AGAP1: variants seen among roughly 807,000 people sequenced by gnomAD.
AGAP1 encodes the protein ArfGAP with GTPase domain, ankyrin repeat and PH domain 1.
Under a neutral mutation model 105.3 loss-of-function variants are expected in AGAP1, and 29 were observed. The ratio of observed to expected loss-of-function variants is 0.28; its 90% confidence interval spans 0.21 to 0.38. The LOEUF is 0.38. Among genes scored for constraint, AGAP1 ranks in the 10% least tolerant of loss-of-function variants. The probability of loss-of-function intolerance (pLI) is 1.00; values close to 1 mark genes in which losing one functional copy is unlikely to be tolerated. For missense variants in AGAP1, 998 were observed against 1,165.1 expected (o/e 0.86, Z 2.09); for synonymous variants, 509 against 485.9 (o/e 1.05, Z -0.63).
rs1559205251 is a variant in AGAP1 at position 236,027,736 on chromosome 2, TCAAAA to T, written c.1646-8822_1646-8818del. On this transcript the variant is annotated intron_variant, in intron 13 of 17. Coordinates refer to ENST00000304032, the MANE Select transcript of AGAP1 (RefSeq NM_001037131.3). This position sits in a 1 kb window ranked among gnomAD's most constrained non-coding sequence, Gnocchi z 4.4. Reference sequence around the variant, plus strand: ...TCCAGGGCTAGGATGAACCATCTGGTCAAAACAGAACAGAAACCCCAAAGAGCTGT... The same window carrying T: ...TCCAGGGCTAGGATGAACCATCTGGTCAGAACAGAAACCCCAAAGAGCTGT... Among the ~76,000 whole-genome samples, 1 of 152,016 alleles carries T rather than the reference TCAAAA, an allele frequency of 6.6e-6. No homozygotes were observed. Among genetic ancestry groups the T allele is most frequent in the Non-Finnish European group, 1.5e-5 (1 of 67,994 alleles).
Position 235,999,573 on chromosome 2 carries a change from A to G in AGAP1, c.1645+30950A>G, listed in dbSNP as rs187493445. Among the ~76,000 whole-genome samples, 34 of 75,184 alleles carry G rather than the reference A, an allele frequency of 4.5e-4. No homozygotes were observed. In the East Asian group the frequency reaches 9.5e-3, roughly 21 times the overall value. 49.3% of individuals were successfully genotyped at this position (75,184 alleles called of 152,430 possible). On this transcript the variant is annotated intron_variant, in intron 13 of 17. Transcript: ENST00000304032. ...GGTGATGTTGGTAGCATGATGACCA[A>G]TATGATATGGTGGTGATGATGGTGA...
rs2055095065 is a variant in AGAP1, at chr2:235,981,513, A to T, written c.1645+12890A>T. On this transcript the variant is annotated intron_variant, in intron 13 of 17. Coordinates refer to ENST00000304032, the MANE Select transcript of AGAP1 (RefSeq NM_001037131.3). This position sits in a 1 kb window ranked among gnomAD's most constrained non-coding sequence, Gnocchi z 5.5. ...TTCTTTCTGAATTTCATGAAAATAA[A>T]ATATTTTCTACCAGAATACACATTT... is the stretch of plus-strand genomic sequence containing the variant. Among the ~76,000 whole-genome samples, 1 of 152,188 alleles carries T rather than the reference A, an allele frequency of 6.6e-6. No homozygotes were observed. The highest frequency in any genetic ancestry group is 1.5e-5 in the Non-Finnish European group (1 of 68,030).
At position 235,574,451 on chromosome 2, in the gene AGAP1, C is replaced by T. The variant is rs1031541183; in HGVS notation, c.163+79602C>T. On this transcript the variant is annotated intron_variant, in intron 1 of 17. Coordinates refer to ENST00000304032, the MANE Select transcript of AGAP1 (RefSeq NM_001037131.3). The surrounding 1 kb of genome is among the most constrained non-coding windows in gnomAD (Gnocchi z 5.0). ...GTGCATTATCTGATAAAGTAAATCTCAGCCACTGGGAAGAGCCCTTTTTGG... is the reference window on the plus strand; with the variant it reads ...GTGCATTATCTGATAAAGTAAATCTTAGCCACTGGGAAGAGCCCTTTTTGG... Among the ~76,000 whole-genome samples the T allele has an allele frequency of 4.6e-5, 7 of 152,222 alleles. 1 individual carries two copies. The highest frequency in any genetic ancestry group is 9.6e-5 in the African/African-American group (4 of 41,460).
At chr2:236,107,132 A>T (rs1396042649) in intron 16 of AGAP1, among the ~76,000 whole-genome samples, 1 of 113,568 alleles carries the variant, frequency 8.8e-6, no homozygotes, top group African/African-American at 3.4e-5. Flanking sequence ...CCGCCAGCGG[A>T]TTCTCCTGCG....
intron 6 of AGAP1, among the ~76,000 whole-genome samples, chr2:235,762,420 A>G (rs1035124630): frequency 2.0e-5 from 3 of 147,756 alleles, no homozygotes; most frequent in African/African-American, 7.5e-5. Context: ...GGCATCCCTA[A>G]AGGTTGGGTT....
intron 12 of AGAP1, among the ~76,000 whole-genome samples, chr2:235,939,479 C>CA (rs1169460104): frequency 1.3e-5 from 2 of 152,116 alleles, no homozygotes; most frequent in Non-Finnish European, 2.9e-5. Flanking sequence ...CTTCAGCTTA[C>CA]ATACCTGCTC....
Position 235,577,199 on chromosome 2 carries a change from CTG to C in AGAP1, c.163+82352_163+82353del, listed in dbSNP as rs1281040058. On this transcript the variant is annotated intron_variant, in intron 1 of 17. Coordinates refer to ENST00000304032, the MANE Select transcript of AGAP1 (RefSeq NM_001037131.3). This position sits in a 1 kb window ranked among gnomAD's most constrained non-coding sequence, Gnocchi z 4.5. ...AACAGATGAAATTAATTTTAATAAA[CTG>C]TTTAATCCAACATATCCAAAATATT... Among the ~76,000 whole-genome samples the C allele has an allele frequency of 6.6e-6, 1 of 152,320 alleles. No homozygotes were observed. Among genetic ancestry groups the C allele is most frequent in the East Asian group, 1.9e-4 (1 of 5,194 alleles).
At position 235,635,671 on chromosome 2, in the gene AGAP1, G is replaced by T. The variant is rs924141488; in HGVS notation, c.164-73508G>T. 6.6e-6 allele frequency among the ~76,000 whole-genome samples: 1 copy of T among 152,096 alleles called. No individual in the cohort carries two copies. Among genetic ancestry groups the T allele is most frequent in the Non-Finnish European group, 1.5e-5 (1 of 68,028 alleles). The stretch of plus-strand genomic sequence containing the variant: ...TAGCCATGGCACCTTCTCCAAAGCT[G>T]CCTCGCTCCTGCACTGATGCTGTGC... On this transcript the variant is annotated intron_variant, in intron 1 of 17. Transcript: ENST00000304032. The surrounding 1 kb of genome is among the most constrained non-coding windows in gnomAD (Gnocchi z 5.3).
In AGAP1 at chr2:235,737,058, C is replaced by T. The variant is rs1001017605; in HGVS notation, c.311-3905C>T. ...TTTAAAGTGTTACCTACCTGCCAGCCCAGACTTCTCAAGGCCCAGTGGTCC... is the reference window on the plus strand; with the variant it reads ...TTTAAAGTGTTACCTACCTGCCAGCTCAGACTTCTCAAGGCCCAGTGGTCC... On this transcript the variant is annotated intron_variant, in intron 3 of 17. Transcript: ENST00000304032. The surrounding 1 kb of genome is among the most constrained non-coding windows in gnomAD (Gnocchi z 4.5). Among the ~76,000 whole-genome samples the T allele has an allele frequency of 1.3e-5, 2 of 152,116 alleles. No homozygotes were observed. Among genetic ancestry groups the T allele is most frequent in the African/African-American group, 4.8e-5 (2 of 41,424 alleles).
At chr2:236,015,694 G>T (rs1000368110) in intron 13 of AGAP1, among the ~76,000 whole-genome samples, 2 of 152,162 alleles carry the variant, frequency 1.3e-5, no homozygotes, top group Admixed American at 1.3e-4. Context: ...TCACAATCCA[G>T]CGATCTTGGT....
chr2:235,797,610 G>C, intron 6 of AGAP1, 149 bp from the exon 7 acceptor site: 1 of 994,446 alleles, frequency 1.0e-6, no homozygotes, highest in Admixed American at 2.0e-5. Flanking sequence ...TGTTTATTCT[G>C]GTTGTCATTT....
At chr2:235,527,182 A>G (rs1942872345) in intron 1 of AGAP1, among the ~76,000 whole-genome samples, 1 of 152,160 alleles carries the variant, frequency 6.6e-6, no homozygotes, top group South Asian at 2.1e-4. Context: ...ATCTGATGAG[A>G]GGAGGAGGAT....
At chr2:235,972,220 CTTCTATAGAAGAT>C (rs2125364511) in intron 13 of AGAP1, among the ~76,000 whole-genome samples, 1 of 152,340 alleles carries the variant, frequency 6.6e-6, no homozygotes, top group Non-Finnish European at 1.5e-5. Context: ...AGATATAAAA[CTTCTATAGAAGAT>C]TTGTGTAAAG....
At position 236,058,734 on chromosome 2, in the gene AGAP1, A is replaced by G. The variant is rs1418244323; in HGVS notation, c.2114+9453A>G. On this transcript the variant is annotated intron_variant, in intron 16 of 17. Transcript: ENST00000304032. This position sits in a 1 kb window ranked among gnomAD's most constrained non-coding sequence, Gnocchi z 4.6. ...GTTCAAGCCAGGGAATTAGGCAAGA[A>G]GAAGAAACCAAAAGCATCCAGATTT... Among the ~76,000 whole-genome samples, 2 of 152,250 alleles carry G rather than the reference A, an allele frequency of 1.3e-5. No homozygotes were observed. Among genetic ancestry groups the G allele is most frequent in the African/African-American group, 4.8e-5 (2 of 41,470 alleles).
At chr2:235,968,201 G>A (rs1318641481) in intron 12 of AGAP1, among the ~76,000 whole-genome samples, 2 of 152,168 alleles carry the variant, frequency 1.3e-5, no homozygotes, top group African/African-American at 4.8e-5. Context: ...GAGAGAAGGA[G>A]AATGCATCCA....
rs193206225 is a variant in AGAP1 at position 236,005,237 on chromosome 2, C to A, written c.1646-31324C>A. 4.3e-4 allele frequency among the ~76,000 whole-genome samples: 65 copies of A among 152,228 alleles called. No individual in the cohort carries two copies. The highest frequency in any genetic ancestry group is 6.2e-4 in the Non-Finnish European group (42 of 68,016). ...TCTTGGCTCTTGCAACCTCCGCCTC[C>A]CAGACTCAAGCGATTCTTGCCCCTC... On this transcript the variant is annotated intron_variant, in intron 13 of 17. Coordinates refer to ENST00000304032, the MANE Select transcript of AGAP1 (RefSeq NM_001037131.3). This position sits in a 1 kb window ranked among gnomAD's most constrained non-coding sequence, Gnocchi z 4.1.
rs1351585808 is a variant in AGAP1, at chr2:236,061,757, A to T, written c.2114+12476A>T. Among the ~76,000 whole-genome samples, 1 of 152,004 alleles carries T rather than the reference A, an allele frequency of 6.6e-6. No individual in the cohort carries two copies. Among genetic ancestry groups the T allele is most frequent in the African/African-American group, 2.4e-5 (1 of 41,354 alleles). ...AATGAGTACGAAACTTCTTTTGGAG[A>T]CAACGAAAATGATCTGGATTTACAT... On this transcript the variant is annotated intron_variant, in intron 16 of 17. Transcript: ENST00000304032. This position sits in a 1 kb window ranked among gnomAD's most constrained non-coding sequence, Gnocchi z 4.1.
At chr2:235,686,638 TATATATAGATATATATATATATA>T (rs1559350750) in intron 1 of AGAP1, among the ~76,000 whole-genome samples, 2,328 of 49,056 alleles carry the variant, frequency 0.047, 99 homozygotes, top group African/African-American at 0.18. Flanking sequence ...TATATATATA[TATATATAGATATATATATATATA>T]TATATTTTTT....
intron 1 of AGAP1, among the ~76,000 whole-genome samples, chr2:235,508,845 G>A (rs1941947305): frequency 6.6e-6 from 1 of 152,232 alleles, no homozygotes; most frequent in South Asian, 2.1e-4. Flanking sequence ...AGCAAAAGAG[G>A]GAGAAAGGGA....
Sources: allele counts gnomAD v4.1 joint callset (sites outside exome capture counted in the v4.1 genomes callset), GRCh38; gene constraint gnomAD v4.1.1; non-coding constraint Gnocchi (gnomAD v3.1); transcripts MANE v1.5; gene names NCBI Gene and HGNC (gene_info 2026-07-23, HGNC 2026-07-21).